Variants in PHKB observed in about 807,000 individuals in gnomAD.
PHKB encodes the protein phosphorylase b kinase regulatory subunit beta.
In PHKB, 122 loss-of-function variants were observed where a neutral mutation model predicts 152.1. That is an observed-to-expected ratio of 0.80 (90% confidence interval 0.69 to 0.93). The LOEUF (loss-of-function observed/expected upper bound fraction) is 0.93, where lower values mean the gene tolerates loss of function less well. PHKB is among the 40% of genes least tolerant of loss of function. PHKB has a pLI of 0.00. For synonymous variants in PHKB, 436 were observed against 464.9 expected (o/e 0.94, Z 0.80); for missense variants, 1,304 against 1,328.4 (o/e 0.98, Z 0.29).
Position 47,511,696 on chromosome 16 carries a change from C to T in PHKB, c.437C>T (p.Thr146Ile), listed in dbSNP as rs1970512434. Residue 146 changes from threonine (T) to isoleucine (I), a missense_variant, in exon 5 of 31, where the codon ACA becomes ATA. Transcript: ENST00000323584. ...CAGTTTAAGCAGGATCCACGCCCAA[C>T]AACATGTCTTCACTCTGTTTTCAAT... ...VQQFKQDPRP[T>I]TCLHSVFNVH... 1.2e-6 allele frequency: 2 copies of T among 1,613,166 alleles called. No homozygotes were observed. Among genetic ancestry groups the T allele is most frequent in the South Asian group, 1.1e-5 (1 of 91,066 alleles).
At chr16:47,620,312 A>G (rs1231565305) in intron 14 of PHKB, among the ~76,000 whole-genome samples, 1 of 152,210 alleles carries the variant, frequency 6.6e-6, no homozygotes, top group Non-Finnish European at 1.5e-5. Context: ...TCTGCCTAGC[A>G]AAATGGTTAA....
intron 10 of PHKB, among the ~76,000 whole-genome samples, chr16:47,592,214 A>G (rs978798882): frequency 2.0e-5 from 3 of 151,988 alleles, no homozygotes; most frequent in Admixed American, 6.5e-5. Context: ...TTGCCCTACA[A>G]CTCTCTTCGG....
At chr16:47,578,538 T>A (rs983484738) in intron 7 of PHKB, among the ~76,000 whole-genome samples, 2 of 152,216 alleles carry the variant, frequency 1.3e-5, no homozygotes, top group Non-Finnish European at 2.9e-5. Flanking sequence ...CCATTATTTT[T>A]GTTGACATCC....
chr16:47,688,970 A>G, intron 26 of PHKB, 71 bp from the exon 27 acceptor site: 1 of 1,536,854 alleles, frequency 6.5e-7, no homozygotes, highest in Non-Finnish European at 9.0e-7. Context: ...TATTAAGGGC[A>G]TTGCTGAGAG....
At position 47,499,773 on chromosome 16, in the gene PHKB, C is replaced by T. The variant is rs772282715; in HGVS notation, c.184C>T (p.Leu62=). ...YYRIVKSTLL[L]YQSPTTGLFP... ...AATTGCAGTCAAGTCAACATTGCTGCTGTATCAAAGTCCAACTACCGGTCT... is the reference window on the plus strand; with the variant it reads ...AATTGCAGTCAAGTCAACATTGCTGTTGTATCAAAGTCCAACTACCGGTCT... Residue 62 remains leucine, a synonymous_variant, in exon 3 of 31, where the codon CTG becomes TTG. Coordinates refer to ENST00000323584, the MANE Select transcript of PHKB (RefSeq NM_000293.3). 4 of 1,614,188 alleles carry T rather than the reference C, an allele frequency of 2.5e-6. No individual in the cohort carries two copies. The Admixed American group carries it at 6.7e-5, about 27-fold the overall frequency.
chr16:47,500,060 T>C (rs1036299155), intron 3 of PHKB, among the ~76,000 whole-genome samples, 166 bp downstream of exon 3: 5 of 152,054 alleles, frequency 3.3e-5, no homozygotes, highest in African/African-American at 4.8e-5. Context: ...TTTTCTTTTT[T>C]TTTTTGAGAT....
At chr16:47,680,251 C>T (rs965567866) in intron 26 of PHKB, among the ~76,000 whole-genome samples, 11 of 152,096 alleles carry the variant, frequency 7.2e-5, no homozygotes, top group African/African-American at 2.7e-4. Context: ...GTGTCTCTGC[C>T]AGGCTTTGGT....
At chr16:47,563,318 C>A (rs949362260) in intron 7 of PHKB, among the ~76,000 whole-genome samples, 1 of 151,426 alleles carries the variant, frequency 6.6e-6, no homozygotes, top group Non-Finnish European at 1.5e-5. Context: ...TGTTGCCTTG[C>A]AAGACATTTC....
chr16:47,579,986 A>G (rs1971814906), intron 7 of PHKB, among the ~76,000 whole-genome samples: 1 of 152,138 alleles, frequency 6.6e-6, no homozygotes, highest in African/African-American at 2.4e-5. Flanking sequence ...CTTCCTCTAA[A>G]GTTCGTCTTT....
chr16:47,505,137 G>A (rs1249041368), intron 4 of PHKB, among the ~76,000 whole-genome samples: 2 of 152,234 alleles, frequency 1.3e-5, no homozygotes, highest in African/African-American at 4.8e-5. Flanking sequence ...TCTGTAAAGT[G>A]AATGATTGGA....
chr16:47,480,197 C>T (rs1256816523), intron 1 of PHKB, among the ~76,000 whole-genome samples: 1 of 152,062 alleles, frequency 6.6e-6, no homozygotes, highest in South Asian at 2.1e-4. Context: ...AGTTGCCTAA[C>T]CAATTGAATG....
chr16:47,506,027 CAAAAAAA>C (rs1198434467), intron 4 of PHKB, among the ~76,000 whole-genome samples: 33 of 50,282 alleles, frequency 6.6e-4, no homozygotes, highest in South Asian at 4.7e-3. Flanking sequence ...GAAACTGTCT[CAAAAAAA>C]AAAAAAAAAA....
At chr16:47,685,318 A>G (rs1236548317) in intron 26 of PHKB, among the ~76,000 whole-genome samples, 2 of 152,154 alleles carry the variant, frequency 1.3e-5, no homozygotes, top group Non-Finnish European at 2.9e-5. Context: ...CCAGCTACTC[A>G]GGAGACTTAG....
At chr16:47,679,315 T>C (rs1220199176) in intron 26 of PHKB, among the ~76,000 whole-genome samples, 9 of 152,212 alleles carry the variant, frequency 5.9e-5, no homozygotes, top group Non-Finnish European at 1.3e-4. Context: ...AAAAAGTGAT[T>C]GGTAGCTTGA....
At chr16:47,603,927 C>G (rs1972279618) in intron 13 of PHKB, among the ~76,000 whole-genome samples, 1 of 152,148 alleles carries the variant, frequency 6.6e-6, no homozygotes, top group African/African-American at 2.4e-5. Flanking sequence ...AACTAAGGCC[C>G]ATAAGAGTTT....
intron 11 of PHKB, among the ~76,000 whole-genome samples, chr16:47,593,759 A>G (rs1423121472): frequency 6.6e-6 from 1 of 152,228 alleles, no homozygotes. Flanking sequence ...CATTTAAAGA[A>G]TTAAAAAAAC....
At chr16:47,690,420 A>T (rs928761456) in intron 27 of PHKB, among the ~76,000 whole-genome samples, 1 of 152,238 alleles carries the variant, frequency 6.6e-6, no homozygotes, top group African/African-American at 2.4e-5. Context: ...TATGAAAATT[A>T]AAAACAACAC....
At chr16:47,555,024 G>A (rs369452819) in intron 7 of PHKB, among the ~76,000 whole-genome samples, 9 of 152,216 alleles carry the variant, frequency 5.9e-5, no homozygotes, top group East Asian at 1.9e-4. Flanking sequence ...TATTCTCTTC[G>A]CTTTTCTAAT....
At chr16:47,669,133 G>A in intron 25 of PHKB, 82 bp from the exon 26 acceptor site, 1 of 1,028,358 alleles carries the variant, frequency 9.7e-7, no homozygotes, top group Non-Finnish European at 1.5e-6. Flanking sequence ...CAGCCTGCCA[G>A]TCATTCTGAG....
Sources: gnomAD v4.1 joint callset for allele counts (sites outside exome capture counted in the v4.1 genomes callset) on GRCh38, gnomAD v4.1.1 for gene constraint, MANE v1.5 for transcripts, NCBI Gene and HGNC (gene_info 2026-07-23, HGNC 2026-07-21) for gene names.